The following FLACC1 variants were observed in gnomAD, a reference collection of about 807,000 sequenced individuals.
FLACC1 encodes flagellum-associated coiled-coil domain-containing protein 1.
A neutral mutation model predicts 62.8 loss-of-function variants in FLACC1; 66 were observed. The ratio of observed to expected loss-of-function variants is 1.05; its 90% CI spans 0.86 to 1.29. The LOEUF is 1.29. Among genes scored for constraint, FLACC1 ranks in the 50% most tolerant of loss-of-function variants. The pLI, the probability that FLACC1 is intolerant of heterozygous loss-of-function variation, is 0.00. For missense variants in FLACC1, 452 were observed against 489.1 expected (o/e 0.92, Z 0.71); for synonymous variants, 156 against 161.0 (o/e 0.97, Z 0.24).
At chr2:201,327,321 G>C (rs1004762869) in intron 9 of FLACC1, among the ~76,000 whole-genome samples, 1 of 151,922 alleles carries the variant, frequency 6.6e-6, no homozygotes, top group Admixed American at 6.6e-5. Context: ...TAAATAAATA[G>C]AACCTAATTA....
chr2:201,363,120 T>C, the FLACC1 span, among the ~76,000 whole-genome samples: 2 of 152,052 alleles, frequency 1.3e-5, no homozygotes, highest in East Asian at 3.9e-4. Flanking sequence ...TTGGAGCACT[T>C]GCTTGTCTGG....
At chr2:201,352,353 C>A (rs1951043648) in intron 1 of FLACC1, among the ~76,000 whole-genome samples, 1 of 152,198 alleles carries the variant, frequency 6.6e-6, no homozygotes, top group South Asian at 2.1e-4. Context: ...AACAAAACCC[C>A]TATTATGAGA....
At chr2:201,350,230 C>T (rs1950997524) in intron 3 of FLACC1, among the ~76,000 whole-genome samples, 1 of 151,962 alleles carries the variant, frequency 6.6e-6, no homozygotes, top group African/African-American at 2.4e-5. Flanking sequence ...ACTACAAATA[C>T]AAAAATTACG....
At chr2:201,293,042 A>G (rs1949774355) in intron 12 of FLACC1, among the ~76,000 whole-genome samples, 1 of 152,220 alleles carries the variant, frequency 6.6e-6, no homozygotes, top group African/African-American at 2.4e-5. Flanking sequence ...GAGACCTACA[A>G]AAAGACTTAG....
intron 7 of FLACC1, among the ~76,000 whole-genome samples, chr2:201,337,212 A>G (rs1248810090): frequency 6.6e-6 from 1 of 152,224 alleles, no homozygotes; most frequent in East Asian, 1.9e-4. Context: ...ATCTTTGCCT[A>G]GACCGATGTC....
chr2:201,300,212 G>A (rs868289639), intron 11 of FLACC1, among the ~76,000 whole-genome samples: 5 of 152,294 alleles, frequency 3.3e-5, no homozygotes, highest in Middle Eastern at 3.4e-3. Flanking sequence ...GGAAAATCGG[G>A]TCACTCCCAC....
intron 9 of FLACC1, among the ~76,000 whole-genome samples, chr2:201,321,146 C>T (rs944539635): frequency 2.6e-5 from 4 of 152,298 alleles, no homozygotes; most frequent in Non-Finnish European, 5.9e-5. Context: ...TACCCTGCCA[C>T]GCCCATTAGA....
chr2:201,306,099 TAA>T (rs71022361), intron 11 of FLACC1, among the ~76,000 whole-genome samples: 11 of 146,456 alleles, frequency 7.5e-5, no homozygotes, highest in South Asian at 4.4e-4. Flanking sequence ...AAAAAAAGAA[TAA>T]AAAAAAAAAG....
At chr2:201,305,957 A>C (rs1950096174) in intron 11 of FLACC1, among the ~76,000 whole-genome samples, 1 of 151,760 alleles carries the variant, frequency 6.6e-6, no homozygotes. Flanking sequence ...GGGGGGAAGG[A>C]TAGCATTAGG....
At chr2:201,348,102 G>T (rs1950953779) in intron 4 of FLACC1, 152 bp downstream of exon 4, 2 of 672,350 alleles carry the variant, frequency 3.0e-6, no homozygotes, top group Admixed American at 3.4e-5. Context: ...CCACTTACCT[G>T]CCGTGCATAA....
intron 9 of FLACC1, among the ~76,000 whole-genome samples, chr2:201,315,899 T>G (rs546270888): frequency 6.6e-6 from 1 of 152,164 alleles, no homozygotes; most frequent in African/African-American, 2.4e-5. Context: ...CCAAAAGGAA[T>G]GTTCAAAACC....
At position 201,288,520 on chromosome 2, in the gene FLACC1, G is replaced by T. The variant is rs1949640754; in HGVS notation, c.*135C>A. ...TCAGATGCGAATTCAAACATTTTCA[G>T]ACATTCAGAGAGTCAGAGCAACCCA... On this transcript the variant is annotated 3_prime_UTR_variant, in exon 15 of 15. Transcript: ENST00000392257. 1.9e-6 allele frequency: 2 copies of T among 1,059,486 alleles called. No homozygotes were observed. Among genetic ancestry groups the T allele is most frequent in the Non-Finnish European group, 1.3e-6 (1 of 751,998 alleles). 65.6% of individuals were successfully genotyped at this position (1,059,486 alleles called of 1,614,324 possible).
rs564853528 is a variant in FLACC1, at chr2:201,303,224, G to A, written c.880-3924C>T. On this transcript the variant is annotated intron_variant, in intron 11 of 14. Transcript: ENST00000392257. ...GAAAAGAGAGAAGAATCAAATAGAC[G>A]CAATAAAAAATGATAAAGGGGATAT... 1.3e-3 allele frequency among the ~76,000 whole-genome samples: 192 copies of A among 151,746 alleles called. 1 individual carries two copies. Among genetic ancestry groups the A allele is most frequent in the African/African-American group, 4.4e-3 (183 of 41,354 alleles).
At chr2:201,309,039 G>C in intron 10 of FLACC1, 112 bp downstream of exon 10, 1 of 825,464 alleles carries the variant, frequency 1.2e-6, no homozygotes, top group Non-Finnish European at 2.0e-6. Flanking sequence ...TATCTAGCAT[G>C]TGGCCCATCA....
chr2:201,342,467 A>T (rs1361301594), intron 6 of FLACC1, 36 bp from the exon 7 acceptor site: 2 of 1,605,278 alleles, frequency 1.2e-6, no homozygotes, highest in Non-Finnish European at 1.7e-6. Flanking sequence ...CACAGGACTG[A>T]GGACCCTGTC....
intron 9 of FLACC1, among the ~76,000 whole-genome samples, chr2:201,319,901 A>T (rs1950371400): frequency 6.6e-6 from 1 of 152,246 alleles, no homozygotes; most frequent in Admixed American, 6.5e-5. Flanking sequence ...AGGAAGCAGG[A>T]GGCTGCAGGT....
chr2:201,344,834 T>C (rs964209617), intron 5 of FLACC1, among the ~76,000 whole-genome samples: 1 of 152,204 alleles, frequency 6.6e-6, no homozygotes, highest in African/African-American at 2.4e-5. Flanking sequence ...GGTGGTGCCA[T>C]GTGCAGTGGA....
the FLACC1 span, among the ~76,000 whole-genome samples, chr2:201,362,678 T>C: frequency 6.6e-6 from 1 of 152,204 alleles, no homozygotes; most frequent in Non-Finnish European, 1.5e-5. Flanking sequence ...GGGAAGCGGC[T>C]TGGAAACACT....
chr2:201,289,785 C>T lies in FLACC1; in HGVS notation c.943G>A (p.Val315Ile), dbSNP rs1258766801. 2.5e-6 allele frequency: 4 copies of T among 1,614,132 alleles called. No homozygotes were observed. Among genetic ancestry groups the T allele is most frequent in the Non-Finnish European group, 2.5e-6 (3 of 1,180,002 alleles). The change falls in exon 13 of 15, where the codon GTC becomes ATC. Residue 315 changes from valine to isoleucine, a missense_variant and splice_region_variant. Coordinates refer to ENST00000392257, the MANE Select transcript of FLACC1 (RefSeq NM_001127391.3). ...QLEELRKTKE[V>I]MQEELHAQAL... ...TGTGCATGCAATTCTTCCTGCATGA[C>T]CTGCATAAGAAGAAGCTGTTGCAGG... is the stretch of plus-strand genomic sequence containing the variant.
Sources: allele counts gnomAD v4.1 joint callset (sites outside exome capture counted in the v4.1 genomes callset), GRCh38; gene constraint gnomAD v4.1.1; transcripts MANE v1.5; gene names NCBI Gene and HGNC (gene_info 2026-07-23, HGNC 2026-07-21).